The following IGSF11 variants were observed in gnomAD, a reference collection of about 807,000 sequenced individuals.
IGSF11 encodes immunoglobulin superfamily member 11.
Under a neutral mutation model 41.0 loss-of-function variants are expected in IGSF11, and 22 were observed. The ratio of observed to expected loss-of-function variants is 0.54; its 90% CI spans 0.38 to 0.77. The LOEUF (loss-of-function observed/expected upper bound fraction) is 0.77, where lower values mean the gene tolerates loss of function less well. IGSF11 is among the 30% of genes least tolerant of loss of function. The probability of loss-of-function intolerance (pLI) is 0.00; values close to 1 mark genes in which losing one functional copy is unlikely to be tolerated. For synonymous variants in IGSF11, 219 were observed against 201.3 expected (o/e 1.09, Z -0.74); for missense variants, 444 against 530.8 (o/e 0.84, Z 1.61).
chr3:119,068,050 A>C (rs186363209), intron 1 of IGSF11, among the ~76,000 whole-genome samples: 1 of 152,314 alleles, frequency 6.6e-6, no homozygotes, highest in Non-Finnish European at 1.5e-5. Context: ...CTAAGAAACT[A>C]TTACAAGGTT....
intron 1 of IGSF11, among the ~76,000 whole-genome samples, chr3:118,994,669 G>C (rs1033850167): frequency 1.3e-5 from 2 of 152,142 alleles, no homozygotes; most frequent in Non-Finnish European, 2.9e-5. Flanking sequence ...GACGAGAAGA[G>C]GAAAATAGTG....
intron 1 of IGSF11, among the ~76,000 whole-genome samples, chr3:119,019,168 T>C (rs557399803): frequency 1.3e-5 from 2 of 152,006 alleles, no homozygotes; most frequent in Non-Finnish European, 2.9e-5. Flanking sequence ...AGTTAAAAAC[T>C]AGGACAGAGG....
chr3:118,979,413 C>T (rs1934472102), intron 1 of IGSF11, among the ~76,000 whole-genome samples: 2 of 152,136 alleles, frequency 1.3e-5, no homozygotes, highest in South Asian at 4.1e-4. Context: ...CAGAGATCTC[C>T]AAATAGGTAC....
chr3:119,015,894 T>G (rs1342413184), intron 1 of IGSF11, among the ~76,000 whole-genome samples: 2 of 152,166 alleles, frequency 1.3e-5, no homozygotes, highest in Non-Finnish European at 2.9e-5. Context: ...TGTCCCACTT[T>G]CCATGAGAGA....
intron 4 of IGSF11, among the ~76,000 whole-genome samples, chr3:118,906,045 A>T (rs1939552143): frequency 6.6e-6 from 1 of 152,208 alleles, no homozygotes; most frequent in Non-Finnish European, 1.5e-5. Context: ...TTAAGGTAAC[A>T]CCAAATTCTA....
At chr3:119,051,788 C>A (rs1559837760) in intron 1 of IGSF11, among the ~76,000 whole-genome samples, 1 of 152,050 alleles carries the variant, frequency 6.6e-6, no homozygotes, top group Non-Finnish European at 1.5e-5. Context: ...TCTCTCAGAC[C>A]ACAGTGGAAT....
chr3:118,953,632 A>G (rs1944748551), intron 1 of IGSF11, among the ~76,000 whole-genome samples: 1 of 151,808 alleles, frequency 6.6e-6, no homozygotes, highest in Non-Finnish European at 1.5e-5. Flanking sequence ...TGTGGTATTG[A>G]TTTGTATTTC....
chr3:119,109,950 A>G (rs1030770149), upstream of IGSF11, among the ~76,000 whole-genome samples: 6 of 152,170 alleles, frequency 3.9e-5, no homozygotes, highest in Non-Finnish European at 7.3e-5. Context: ...CTGTGGTCTG[A>G]GAGACACTTT....
At chr3:119,124,261 A>G (rs2077370745) in intron 1 of IGSF11, among the ~76,000 whole-genome samples, 1 of 129,936 alleles carries the variant, frequency 7.7e-6, no homozygotes, top group African/African-American at 2.9e-5. Context: ...GAAACACATC[A>G]GAGCCTTTTT....
chr3:119,045,187 G>A (rs992408599), intron 1 of IGSF11, among the ~76,000 whole-genome samples: 2 of 152,234 alleles, frequency 1.3e-5, no homozygotes, highest in Non-Finnish European at 2.9e-5. Flanking sequence ...CTCCCAGCGT[G>A]AGCGACACAG....
chr3:119,130,047 A>T (rs2077458023), intron 1 of IGSF11, among the ~76,000 whole-genome samples: 1 of 152,142 alleles, frequency 6.6e-6, no homozygotes, highest in Non-Finnish European at 1.5e-5. Context: ...ACCAGAGAAA[A>T]TCACCTTCAC....
chr3:119,048,825 A>C (rs1157285062), intron 1 of IGSF11, among the ~76,000 whole-genome samples: 7 of 149,508 alleles, frequency 4.7e-5, no homozygotes, highest in Admixed American at 1.3e-4. Context: ...CATCCCTGGG[A>C]TGCAAGGCTG....
At chr3:119,063,570 G>T (rs916142698) in intron 1 of IGSF11, among the ~76,000 whole-genome samples, 1 of 152,068 alleles carries the variant, frequency 6.6e-6, no homozygotes, top group African/African-American at 2.4e-5. Context: ...ACATTTTTTA[G>T]TCCCATGCAA....
At chr3:119,063,670 T>G (rs1942127245) in intron 1 of IGSF11, among the ~76,000 whole-genome samples, 1 of 152,238 alleles carries the variant, frequency 6.6e-6, no homozygotes, top group East Asian at 1.9e-4. Context: ...TGTTTTTAAT[T>G]TCAGTAGTTC....
chr3:119,011,041 G>A (rs1938054961), intron 1 of IGSF11, among the ~76,000 whole-genome samples: 1 of 152,186 alleles, frequency 6.6e-6, no homozygotes, highest in African/African-American at 2.4e-5. Flanking sequence ...CATATGGAAG[G>A]ATAAGCTTCT....
At chr3:118,917,718 A>T (rs1448879195) in intron 4 of IGSF11, among the ~76,000 whole-genome samples, 3 of 146,056 alleles carry the variant, frequency 2.1e-5, no homozygotes, top group Non-Finnish European at 4.5e-5. Flanking sequence ...AACTATTCCA[A>T]TCAATAGAAA....
intron 1 of IGSF11, among the ~76,000 whole-genome samples, chr3:119,117,045 T>C (rs1197642185): frequency 6.6e-6 from 1 of 152,190 alleles, no homozygotes; most frequent in East Asian, 1.9e-4. Context: ...TGAGATTATT[T>C]GAGTACAAAC....
rs865876636 is a variant in IGSF11, at chr3:119,093,405, G to T, written c.49+11739C>A. ...TTACACACATGGGCTTCTGAGACCC[G>T]TTTTTTTTTTTTTAAACCTGACCGT... On this transcript the variant is annotated intron_variant, in intron 1 of 6. Transcript: ENST00000354673. 6.5e-4 allele frequency among the ~76,000 whole-genome samples: 95 copies of T among 147,286 alleles called. 1 individual carries two copies. In the South Asian group the frequency reaches 7.5e-3, roughly 12 times the overall value.
At chr3:119,005,961 G>C (rs1317934240) in intron 1 of IGSF11, among the ~76,000 whole-genome samples, 1 of 136,698 alleles carries the variant, frequency 7.3e-6, no homozygotes, top group Non-Finnish European at 1.5e-5. Flanking sequence ...TTCTTCTCGA[G>C]GAGTATCTTT....
Sources: gnomAD v4.1 joint callset for allele counts (sites outside exome capture counted in the v4.1 genomes callset) on GRCh38, gnomAD v4.1.1 for gene constraint, MANE v1.5 for transcripts, NCBI Gene and HGNC (gene_info 2026-07-23, HGNC 2026-07-21) for gene names.